Variants in FYCO1 observed in about 807,000 individuals in gnomAD.
FYCO1 encodes FYVE and coiled-coil domain-containing protein 1.
FYCO1 carries 122 observed loss-of-function variants against 165.1 expected under a neutral mutation model. The ratio of observed to expected loss-of-function variants is 0.74; its 90% CI spans 0.64 to 0.86. The LOEUF (loss-of-function observed/expected upper bound fraction) is 0.86, where lower values mean the gene tolerates loss of function less well. FYCO1 is among the 40% of genes least tolerant of loss of function. The pLI is 0.00. For synonymous variants in FYCO1, 648 were observed against 742.5 expected, an observed-to-expected ratio of 0.87 and a Z score of 2.07; for missense variants, 1,702 against 1,810.3, an observed-to-expected ratio of 0.94 and a Z score of 1.09.
At chr3:45,959,200 C>T (rs1345397206) in intron 12 of FYCO1, among the ~76,000 whole-genome samples, 193 bp downstream of exon 12, 1 of 152,212 alleles carries the variant, frequency 6.6e-6, no homozygotes, top group Non-Finnish European at 1.5e-5. Context: ...TTCAGGGAGC[C>T]CTGAGTGTCT....
intron 1 of FYCO1, among the ~76,000 whole-genome samples, 155 bp downstream of exon 1, chr3:45,995,567 C>T (rs1231181434): frequency 1.3e-5 from 2 of 152,166 alleles, no homozygotes; most frequent in Admixed American, 6.5e-5. Context: ...TGGGCAAGGA[C>T]GGGGGCGCTC....
chr3:45,942,965 TG>T (rs1271003649), intron 14 of FYCO1, among the ~76,000 whole-genome samples: 1 of 152,178 alleles, frequency 6.6e-6, no homozygotes, highest in Non-Finnish European at 1.5e-5. Flanking sequence ...AGTTTCTAGC[TG>T]TGTGCACCAG....
rs1559459883 is a variant in FYCO1 at position 45,967,161 on chromosome 3, C to T, written c.2173G>A (p.Ala725Thr). Reference protein sequence around the residue: ...EVEQCQQLAEARHRELRALES... With the variant: ...EVEQCQQLAETRHRELRALES... ...AGAGCCCTAAGCTCTCTGTGCCGGG[C>T]TTCTGCCAGTTGCTGGCACTGCTCC... The change falls in exon 8 of 18, where the codon GCC becomes ACC. Residue 725 changes from alanine to threonine, a missense_variant. Coordinates refer to ENST00000296137, the MANE Select transcript of FYCO1 (RefSeq NM_024513.4). 3 of 1,613,228 alleles carry T rather than the reference C, an allele frequency of 1.9e-6. No homozygotes were observed. The highest frequency in any genetic ancestry group is 1.6e-4 in the Middle Eastern group (1 of 6,078).
Position 45,966,738 on chromosome 3 carries a change from T to C in FYCO1, c.2596A>G (p.Arg866Gly). The C allele has an allele frequency of 6.2e-7, 1 of 1,611,544 alleles. No homozygotes were observed. Among genetic ancestry groups the C allele is most frequent in the Non-Finnish European group, 8.5e-7 (1 of 1,179,910 alleles). ...TGCAGGGCCCGCAGCTCCTCCTCCC[T>C]CTGCTGGGCCTCATCGGCCCTCTCC... is the stretch of plus-strand genomic sequence containing the variant. The part of the protein sequence containing the change: ...QEERADEAQQ[R>G]EEELRALQEE... Residue 866 changes from arginine to glycine, a missense_variant, in exon 8 of 18, where the codon AGG becomes GGG. Arg to Gly is a moderately radical substitution (Grantham distance 125). Coordinates refer to ENST00000296137, the MANE Select transcript of FYCO1 (RefSeq NM_024513.4).
At chr3:45,975,198 G>T in intron 5 of FYCO1, 41 bp downstream of exon 5, 1 of 1,331,424 alleles carries the variant, frequency 7.5e-7, no homozygotes, top group Non-Finnish European at 1.1e-6. Context: ...GTTCATTTCT[G>T]CACGGGATGA....
At chr3:45,965,489 C>T (rs539885543) in intron 8 of FYCO1, among the ~76,000 whole-genome samples, 5 of 152,208 alleles carry the variant, frequency 3.3e-5, no homozygotes, top group Non-Finnish European at 7.3e-5. Context: ...TTGATGCAGA[C>T]AGACTAGTGG....
At chr3:45,989,719 C>T (rs1475997600) in intron 1 of FYCO1, among the ~76,000 whole-genome samples, 1 of 152,152 alleles carries the variant, frequency 6.6e-6, no homozygotes, top group African/African-American at 2.4e-5. Context: ...GGTCCCCTTC[C>T]CCCCACCAAC....
In FYCO1 at chr3:45,962,207, G is replaced by T; in HGVS notation, c.3437+18C>A. 6.2e-7 allele frequency: 1 copy of T among 1,613,692 alleles called. No individual in the cohort carries two copies. The highest frequency in any genetic ancestry group is 8.5e-7 in the Non-Finnish European group (1 of 1,179,588). On this transcript the variant is annotated intron_variant, in intron 11 of 17. Coordinates refer to ENST00000296137, the MANE Select transcript of FYCO1 (RefSeq NM_024513.4). The surrounding 1 kb of genome is among the most constrained non-coding windows in gnomAD (Gnocchi z 4.4). ...AGTGTGGGGAAAACCCCAGCTGCTG[G>T]TTTGACACAGCACTCACCTGAGCAG...
At chr3:45,970,509 A>G (rs1411718097) in intron 6 of FYCO1, among the ~76,000 whole-genome samples, 1 of 152,186 alleles carries the variant, frequency 6.6e-6, no homozygotes, top group Non-Finnish European at 1.5e-5. Flanking sequence ...AACAAACTCT[A>G]CACTGCTATG....
rs1292651254 is a variant in FYCO1 at position 45,919,773 on chromosome 3, G to C, written c.*1992C>G. On this transcript the variant is annotated 3_prime_UTR_variant, in exon 18 of 18. Transcript: ENST00000296137. Reference sequence around the variant, plus strand: ...TTAGTTTCTTTCTAACAGTGAACAAGCTGACTTCTGATTATCATTTGCAAG... The same window carrying C: ...TTAGTTTCTTTCTAACAGTGAACAACCTGACTTCTGATTATCATTTGCAAG... 1 of 152,232 alleles carries C rather than the reference G, an allele frequency of 6.6e-6. No individual in the cohort carries two copies. The allele number at this position is 152,232 out of a possible 1,614,324, so 9.4% of individuals were successfully genotyped here.
chr3:45,947,315 C>T lies in FYCO1; in HGVS notation c.3944+7934G>A, dbSNP rs760365428. 43 of 1,614,060 alleles carry T rather than the reference C, an allele frequency of 2.7e-5. 1 individual carries two copies. In the Middle Eastern group the frequency reaches 9.9e-4, roughly 37 times the overall value. The stretch of plus-strand genomic sequence containing the variant: ...TCATGGTGACAGAGGCCATCGCATA[C>T]CTGAGGGCCTGCCTTAACCCTGTGC... On this transcript the variant is annotated intron_variant, in intron 14 of 17. Coordinates refer to ENST00000296137, the MANE Select transcript of FYCO1 (RefSeq NM_024513.4).
chr3:45,972,072 G>A (rs1302978889), intron 6 of FYCO1, among the ~76,000 whole-genome samples: 1 of 152,128 alleles, frequency 6.6e-6, no homozygotes, highest in Non-Finnish European at 1.5e-5. Flanking sequence ...CGATAACTAG[G>A]GAATCAGGGT....
intron 8 of FYCO1, among the ~76,000 whole-genome samples, chr3:45,965,898 G>A (rs1262957200): frequency 6.6e-6 from 1 of 152,220 alleles, no homozygotes; most frequent in Non-Finnish European, 1.5e-5. Flanking sequence ...GGTTCCTGCT[G>A]ACTGCTGCCA....
intron 4 of FYCO1, among the ~76,000 whole-genome samples, chr3:45,977,954 G>C (rs903196503): frequency 1.3e-5 from 2 of 152,172 alleles, no homozygotes; most frequent in African/African-American, 4.8e-5. Context: ...ATGCCCCAGA[G>C]AGCAGTCTTC....
chr3:45,948,282 C>T (rs1704767574), intron 14 of FYCO1: 1 of 166,886 alleles, frequency 6.0e-6, no homozygotes, highest in African/African-American at 2.4e-5. Flanking sequence ...CACACACATA[C>T]ACACATATGT....
intron 14 of FYCO1, among the ~76,000 whole-genome samples, chr3:45,954,777 C>T (rs1020510317): frequency 1.3e-5 from 2 of 152,118 alleles, no homozygotes; most frequent in Non-Finnish European, 2.9e-5. Context: ...GACATGGAGA[C>T]ACACCAGGGG....
chr3:45,947,357 C>T, intron 14 of FYCO1: 1 of 1,614,230 alleles, frequency 6.2e-7, no homozygotes, highest in Non-Finnish European at 8.5e-7. Flanking sequence ...CCTTTGTCAG[C>T]CTGAAGTTTC....
chr3:45,980,548 G>A (rs1007502132), intron 3 of FYCO1, among the ~76,000 whole-genome samples: 1 of 151,906 alleles, frequency 6.6e-6, no homozygotes. Flanking sequence ...AAACCAAAAT[G>A]GGCTTAATTG....
At position 45,962,929 on chromosome 3, in the gene FYCO1, G is replaced by A. The variant is rs1236172660; in HGVS notation, c.3270-537C>T. ...GCCCCCCTGAGGCCCAGGGAATTCC[G>A]TTTTGGGTGCTGCAGGGTGTCTCAG... On this transcript the variant is annotated intron_variant, in intron 10 of 17. Transcript: ENST00000296137. This position sits in a 1 kb window ranked among gnomAD's most constrained non-coding sequence, Gnocchi z 4.4. 5.9e-5 allele frequency among the ~76,000 whole-genome samples: 9 copies of A among 152,174 alleles called. 1 individual carries two copies. Among genetic ancestry groups the A allele is most frequent in the Admixed American group, 3.3e-4 (5 of 15,282 alleles).
Sources: allele counts gnomAD v4.1 joint callset (sites outside exome capture counted in the v4.1 genomes callset), GRCh38; gene constraint gnomAD v4.1.1; non-coding constraint Gnocchi (gnomAD v3.1); transcripts MANE v1.5; gene names NCBI Gene and HGNC (gene_info 2026-07-23, HGNC 2026-07-21).